UGT2B4: variants seen among roughly 807,000 people sequenced by gnomAD.
UGT2B4 encodes UDP-glucuronosyltransferase 2B4.
Under a neutral mutation model 49.8 loss-of-function variants are expected in UGT2B4, and 49 were observed. The observed-to-expected ratio is 0.98, with a 90% CI of 0.78 to 1.25. The LOEUF is 1.25. UGT2B4 is among the 50% of genes most tolerant of loss of function. The probability of loss-of-function intolerance (pLI) is 0.00; values close to 1 mark genes in which losing one functional copy is unlikely to be tolerated. For synonymous variants in UGT2B4, 246 were observed against 217.7 expected (o/e 1.13, Z -1.14); for missense variants, 729 against 627.7 (o/e 1.16, Z -1.73).
chr4:69,482,476 G>C (rs1248813943), intron 5 of UGT2B4, among the ~76,000 whole-genome samples: 1 of 152,162 alleles, frequency 6.6e-6, no homozygotes, highest in African/African-American at 2.4e-5. Context: ...AATCTTCTTA[G>C]AAGAACTCTC....
chr4:69,484,631 G>A (rs1727710661), intron 5 of UGT2B4, among the ~76,000 whole-genome samples: 1 of 152,102 alleles, frequency 6.6e-6, no homozygotes, highest in African/African-American at 2.4e-5. Context: ...GGGCTAAGGG[G>A]TCATGCAGAG....
At chr4:69,522,569 A>G (rs1056832131) in intron 1 of UGT2B4, among the ~76,000 whole-genome samples, 1 of 152,206 alleles carries the variant, frequency 6.6e-6, no homozygotes, top group African/African-American at 2.4e-5. Flanking sequence ...CATTTATTGT[A>G]AAAATGCTAA....
At chr4:69,508,137 A>G (rs1442835904) in intron 1 of UGT2B4, among the ~76,000 whole-genome samples, 1 of 152,236 alleles carries the variant, frequency 6.6e-6, no homozygotes, top group Non-Finnish European at 1.5e-5. Context: ...AATTAAAACC[A>G]CAATGAGATA....
chr4:69,521,197 A>G (rs1031868193), intron 1 of UGT2B4, among the ~76,000 whole-genome samples: 1 of 152,196 alleles, frequency 6.6e-6, no homozygotes, highest in African/African-American at 2.4e-5. Flanking sequence ...GACATGGGAC[A>G]AGAACTCAGG....
rs779594463 is a variant in UGT2B4 at position 69,482,694 on chromosome 4, C to T, written c.1311-1784G>A. ...TGATCTCGGCTCACTGCAACCTCCA[C>T]CTCCCAGGTTCAAGTAATATTCCTG... On this transcript the variant is annotated intron_variant, in intron 5 of 5. Transcript: ENST00000305107. Among the ~76,000 whole-genome samples the T allele has an allele frequency of 3.2e-4, 48 of 152,128 alleles. 1 individual carries two copies. The highest frequency in any genetic ancestry group is 1.3e-4 in the Admixed American group (2 of 15,274).
chr4:69,494,073 A>C (rs1175323030), intron 1 of UGT2B4, among the ~76,000 whole-genome samples: 1 of 152,152 alleles, frequency 6.6e-6, no homozygotes, highest in Non-Finnish European at 1.5e-5. Context: ...GGAAAACTGC[A>C]TCCCTCATGT....
chr4:69,496,369 G>A (rs1728163803), upstream of UGT2B4, among the ~76,000 whole-genome samples: 2 of 152,122 alleles, frequency 1.3e-5, no homozygotes, highest in Non-Finnish European at 1.5e-5. Flanking sequence ...AATGATCTTG[G>A]ATGGACTCAT....
In UGT2B4 at chr4:69,506,581, T is replaced by C. The variant is rs115747020; in HGVS notation, c.-105-10615A>G. On this transcript the variant is annotated intron_variant, in intron 1 of 1. Coordinates refer to the UGT2B4 transcript ENST00000510114. ...GTTCTAAAATTGAAGCTGTAATAAA[T>C]AGCCTACCACCCAAACAAAGCCTAG... 8.5e-3 allele frequency among the ~76,000 whole-genome samples: 1,292 copies of C among 152,146 alleles called. 21 individuals carry two copies. Among genetic ancestry groups the C allele is most frequent in the African/African-American group, 0.029 (1,220 of 41,500 alleles).
chr4:69,490,141 GAA>G (rs986685601), intron 2 of UGT2B4, among the ~76,000 whole-genome samples: 1 of 151,500 alleles, frequency 6.6e-6, no homozygotes, highest in Non-Finnish European at 1.5e-5. Context: ...TTTCAAAAGA[GAA>G]AAAAAAGTAG....
chr4:69,497,424 CAATT>C (rs1248540797), upstream of UGT2B4, among the ~76,000 whole-genome samples: 1 of 152,176 alleles, frequency 6.6e-6, no homozygotes, highest in Non-Finnish European at 1.5e-5. Context: ...CAGTGCCCTC[CAATT>C]ATTATACTCT....
rs57494102 is a variant in UGT2B4, at chr4:69,481,091, GAAAAAAAAAAAAAA to G, written c.1311-195_1311-182del. Among the ~76,000 whole-genome samples the G allele has an allele frequency of 1.0e-3, 71 of 67,816 alleles. 3 individuals are homozygous for G. Among genetic ancestry groups the G allele is most frequent in the South Asian group, 9.2e-3 (11 of 1,194 alleles). The allele number at this position is 67,816 out of a possible 152,430, so 44.5% of individuals were successfully genotyped here. On this transcript the variant is annotated intron_variant, in intron 5 of 5. Coordinates refer to ENST00000305107, the MANE Select transcript of UGT2B4 (RefSeq NM_021139.3). ...GTCACCCCGTCTCCAGTAAAAATATGAAAAAAAAAAAAAAAAAAAAAAAAAAGATTACCCAGGCG... is the reference window on the plus strand; with the variant it reads ...GTCACCCCGTCTCCAGTAAAAATATGAAAAAAAAAAAAGATTACCCAGGCG...
At chr4:69,502,143 T>TTC (rs1728352746) in intron 1 of UGT2B4, among the ~76,000 whole-genome samples, 1 of 135,838 alleles carries the variant, frequency 7.4e-6, no homozygotes, top group Non-Finnish European at 1.6e-5. Context: ...CTTTCTTTCT[T>TTC]TCTTTCTCTT....
intron 5 of UGT2B4, among the ~76,000 whole-genome samples, chr4:69,482,352 C>A (rs1345164339): frequency 6.6e-6 from 1 of 152,152 alleles, no homozygotes; most frequent in South Asian, 2.1e-4. Flanking sequence ...GCATAAAACA[C>A]ATAACATAAG....
At chr4:69,523,705 T>TG (rs2109836086) in intron 1 of UGT2B4, among the ~76,000 whole-genome samples, 1 of 152,274 alleles carries the variant, frequency 6.6e-6, no homozygotes, top group South Asian at 2.1e-4. Context: ...AGTCAGCCTG[T>TG]GCTTTAAAGC....
rs1351542647 is a variant in UGT2B4 at position 69,524,335 on chromosome 4, TAGAG to T, written c.-106+1348_-106+1351del. 2.6e-5 allele frequency among the ~76,000 whole-genome samples: 4 copies of T among 152,100 alleles called. 1 individual carries two copies. Among genetic ancestry groups the T allele is most frequent in the Admixed American group, 2.6e-4 (4 of 15,274 alleles). On this transcript the variant is annotated intron_variant, in intron 1 of 1. Transcript: ENST00000510114. ...GTACTCTCTCTTTCACTTGAACACT[TAGAG>T]AGCTTTGTAAGATTATTAACTGGTT...
chr4:69,516,549 AT>A (rs1186846024), intron 1 of UGT2B4, among the ~76,000 whole-genome samples: 1 of 152,046 alleles, frequency 6.6e-6, no homozygotes, highest in Admixed American at 6.6e-5. Context: ...ATGATGACTC[AT>A]TGTGGTTTTG....
At chr4:69,514,345 T>G (rs1372586077) in intron 1 of UGT2B4, among the ~76,000 whole-genome samples, 1 of 151,880 alleles carries the variant, frequency 6.6e-6, no homozygotes, top group Non-Finnish European at 1.5e-5. Flanking sequence ...GGTGTTTGGT[T>G]TTTCGTCCTT....
upstream of UGT2B4, among the ~76,000 whole-genome samples, chr4:69,496,802 T>A (rs1728179510): frequency 6.6e-6 from 1 of 152,204 alleles, no homozygotes. Context: ...ATGGCTGGCT[T>A]ATTTTACTTA....
chr4:69,489,045 G>A (rs1343882416), intron 3 of UGT2B4, among the ~76,000 whole-genome samples: 1 of 152,092 alleles, frequency 6.6e-6, no homozygotes, highest in Non-Finnish European at 1.5e-5. Context: ...TGCTAGTGAA[G>A]TTACTCATTA....
Sources: gnomAD v4.1 joint callset for allele counts (sites outside exome capture counted in the v4.1 genomes callset) on GRCh38, gnomAD v4.1.1 for gene constraint, MANE v1.5 for transcripts, NCBI Gene and HGNC (gene_info 2026-07-23, HGNC 2026-07-21) for gene names.